CCBE1: variants seen among roughly 807,000 people sequenced by gnomAD.
The protein encoded by CCBE1 is collagen and calcium-binding EGF domain-containing protein 1.
CCBE1 carries 37 observed loss-of-function variants against 50.0 expected under a neutral mutation model. The ratio of observed to expected loss-of-function variants is 0.74; its 90% CI spans 0.57 to 0.97. CCBE1 has a LOEUF of 0.97. Ranked by LOEUF, CCBE1 falls within the 50% of genes least tolerant of loss-of-function variation. The pLI, the probability that CCBE1 is intolerant of heterozygous loss-of-function variation, is 0.00. For synonymous variants in CCBE1, 234 were observed against 203.7 expected (o/e 1.15, Z -1.27); for missense variants, 538 against 523.8 (o/e 1.03, Z -0.26).
intron 2 of CCBE1, among the ~76,000 whole-genome samples, chr18:59,543,834 CAAAAAA>C (rs10678902): frequency 1.4e-5 from 1 of 69,024 alleles, no homozygotes; most frequent in African/African-American, 7.2e-5. Context: ...GACTCCGTCT[CAAAAAA>C]AAAAAAAAAA....
At chr18:59,558,524 T>G (rs973797681) in intron 2 of CCBE1, among the ~76,000 whole-genome samples, 2 of 152,324 alleles carry the variant, frequency 1.3e-5, no homozygotes. Context: ...ATCACAGCCA[T>G]GTAGCCACAA....
intron 2 of CCBE1, among the ~76,000 whole-genome samples, chr18:59,482,477 T>C (rs1036085954): frequency 2.0e-5 from 3 of 152,214 alleles, no homozygotes; most frequent in African/African-American, 7.2e-5. Context: ...ATCATTCTAC[T>C]ATAAAGATAC....
At chr18:59,500,803 T>C (rs955369190) in intron 2 of CCBE1, among the ~76,000 whole-genome samples, 1 of 152,184 alleles carries the variant, frequency 6.6e-6, no homozygotes, top group Non-Finnish European at 1.5e-5. Flanking sequence ...GCTGCCCTTC[T>C]TCCAAAGACT....
chr18:59,629,706 T>A (rs2053827741), intron 2 of CCBE1, among the ~76,000 whole-genome samples: 1 of 152,206 alleles, frequency 6.6e-6, no homozygotes. Flanking sequence ...TCTCGAGTAG[T>A]CTCCGAGAGC....
chr18:59,605,543 C>CA (rs891234146), intron 2 of CCBE1, among the ~76,000 whole-genome samples: 2 of 152,194 alleles, frequency 1.3e-5, no homozygotes, highest in African/African-American at 4.8e-5. Context: ...CCCCACTGGT[C>CA]AGCCATTCTG....
rs534086167 is a variant in CCBE1 at position 59,459,694 on chromosome 18, CA to C, written c.554-4744del. Among the ~76,000 whole-genome samples, 64 of 152,272 alleles carry C rather than the reference CA, an allele frequency of 4.2e-4. No homozygotes were observed. The South Asian group carries it at 0.012, about 29-fold the overall frequency. On this transcript the variant is annotated intron_variant, in intron 5 of 10. Transcript: ENST00000439986. ...TTATATGGGCAGTGTTAGAAATGAA[CA>C]AAGCATGTTTGTGTTTAAAAGTTGA...
chr18:59,542,963 C>A (rs1388914712), intron 2 of CCBE1, among the ~76,000 whole-genome samples: 1 of 152,212 alleles, frequency 6.6e-6, no homozygotes, highest in Non-Finnish European at 1.5e-5. Context: ...TCTCGCCAAA[C>A]CCAGGCCACC....
intron 2 of CCBE1, among the ~76,000 whole-genome samples, chr18:59,643,605 G>GC (rs1196798310): frequency 1.3e-5 from 2 of 152,162 alleles, no homozygotes; most frequent in Non-Finnish European, 2.9e-5. Context: ...GACCAGCCTG[G>GC]CCAACATGGC....
At chr18:59,582,591 G>C (rs1326680176) in intron 2 of CCBE1, among the ~76,000 whole-genome samples, 1 of 152,192 alleles carries the variant, frequency 6.6e-6, no homozygotes, top group Non-Finnish European at 1.5e-5. Context: ...CCCTGGAGTA[G>C]TGATGGGGGA....
intron 2 of CCBE1, among the ~76,000 whole-genome samples, chr18:59,494,872 G>C (rs888478589): frequency 3.9e-5 from 6 of 152,176 alleles, no homozygotes; most frequent in African/African-American, 1.4e-4. Flanking sequence ...CCCAGGGAGG[G>C]ACCAGGTGCT....
At chr18:59,665,897 T>TCA in intron 2 of CCBE1, among the ~76,000 whole-genome samples, 1 of 152,214 alleles carries the variant, frequency 6.6e-6, no homozygotes, top group East Asian at 1.9e-4. Context: ...ATTTTTCAGT[T>TCA]CACACACATG....
At chr18:59,608,521 C>T (rs188811806) in intron 2 of CCBE1, among the ~76,000 whole-genome samples, 5 of 152,226 alleles carry the variant, frequency 3.3e-5, no homozygotes, top group Admixed American at 1.3e-4. Context: ...AGAGAAGGCA[C>T]GAGAACAAGC....
At chr18:59,688,092 C>CT (rs1159743880) in intron 2 of CCBE1, 3 of 152,088 alleles carry the variant, frequency 2.0e-5, no homozygotes, top group Admixed American at 6.6e-5. Flanking sequence ...ATGAAAATGG[C>CT]TTTTTTTCCC....
intron 2 of CCBE1, among the ~76,000 whole-genome samples, chr18:59,686,670 C>A (rs978008597): frequency 6.6e-6 from 1 of 152,136 alleles, no homozygotes; most frequent in South Asian, 2.1e-4. Flanking sequence ...ATTTTGGATT[C>A]AAAGCTCCCT....
chr18:59,545,836 A>T (rs1350298419), intron 2 of CCBE1, among the ~76,000 whole-genome samples: 3 of 152,188 alleles, frequency 2.0e-5, no homozygotes, highest in Non-Finnish European at 4.4e-5. Flanking sequence ...GCCATGTAAG[A>T]AGTGCCTTTC....
At position 59,511,523 on chromosome 18, in the gene CCBE1, A is replaced by G. The variant is rs577886409; in HGVS notation, c.213-31285T>C. Among the ~76,000 whole-genome samples the G allele has an allele frequency of 1.9e-4, 29 of 152,364 alleles. 1 individual carries two copies. In the South Asian group the frequency reaches 6.0e-3, roughly 32 times the overall value. ...TTTTATGGATACACAGCAGATGTAC[A>G]TATTTTCTTACATTCATATAATGTG... is the stretch of plus-strand genomic sequence containing the variant. On this transcript the variant is annotated intron_variant, in intron 2 of 10. Transcript: ENST00000439986.
At chr18:59,483,192 T>G (rs1302313965) in intron 2 of CCBE1, among the ~76,000 whole-genome samples, 1 of 152,186 alleles carries the variant, frequency 6.6e-6, no homozygotes, top group Non-Finnish European at 1.5e-5. Flanking sequence ...GTAGGTTACA[T>G]AAGGTCTTCT....
At chr18:59,651,877 T>A (rs554624902) in intron 2 of CCBE1, among the ~76,000 whole-genome samples, 23 of 152,332 alleles carry the variant, frequency 1.5e-4, no homozygotes, top group African/African-American at 4.8e-4. Flanking sequence ...TGTGTAGCAA[T>A]CAAGTCAGTG....
In CCBE1 at chr18:59,605,838, G is replaced by A. The variant is rs111807722; in HGVS notation, c.212+90791C>T. On this transcript the variant is annotated intron_variant, in intron 2 of 10. Coordinates refer to ENST00000439986, the MANE Select transcript of CCBE1 (RefSeq NM_133459.4). ...GCCAAGTGGACGACTGCTAGGGGTG[G>A]CCTTGGGATAAGCTATCCTCCCTCT... 5.0e-3 allele frequency among the ~76,000 whole-genome samples: 763 copies of A among 152,310 alleles called. 12 individuals are homozygous for A. The highest frequency in any genetic ancestry group is 0.017 in the African/African-American group (715 of 41,566).
Sources: gnomAD v4.1 joint callset for allele counts (sites outside exome capture counted in the v4.1 genomes callset) on GRCh38, gnomAD v4.1.1 for gene constraint, MANE v1.5 for transcripts, NCBI Gene and HGNC (gene_info 2026-07-23, HGNC 2026-07-21) for gene names.